The following AURKA variants were observed in gnomAD, a reference collection of about 807,000 sequenced individuals.
AURKA encodes aurora kinase A, also known as aurora 2.
Under a neutral mutation model 40.9 loss-of-function variants are expected in AURKA, and 12 were observed. The observed-to-expected ratio is 0.29, with a 90% CI of 0.19 to 0.48. The LOEUF (loss-of-function observed/expected upper bound fraction) is 0.48. Ranked by LOEUF, AURKA falls within the 20% of genes least tolerant of loss-of-function variation. The pLI, the probability that AURKA is intolerant of heterozygous loss-of-function variation, is 0.99. For missense variants in AURKA, 322 were observed against 462.1 expected, an observed-to-expected ratio of 0.70 and a Z score of 2.78; for synonymous variants, 170 against 164.3, an observed-to-expected ratio of 1.03 and a Z score of -0.26.
At chr20:56,386,760 A>C (rs1986430375) in intron 2 of AURKA, among the ~76,000 whole-genome samples, 1 of 152,182 alleles carries the variant, frequency 6.6e-6, no homozygotes. Context: ...ACCCCTAAAA[A>C]TCATGCTTTA....
Position 56,370,516 on chromosome 20 carries a change from G to A in AURKA, c.998C>T (p.Thr333Ile), listed in dbSNP as rs765075405. 1.2e-5 allele frequency: 19 copies of A among 1,614,048 alleles called. No homozygotes were observed. Among genetic ancestry groups the A allele is most frequent in the East Asian group, 2.2e-5 (1 of 44,902 alleles). ...TATTCTTTTGTAGGTCTCTTGGTAT[G>A]TGTTTGCCTCAAAAGGAGGCTTCCC... ...LVGKPPFEANTYQETYKRISR... is the reference protein window; with the variant it reads ...LVGKPPFEANIYQETYKRISR... The change falls in exon 8 of 9, where the codon ACA becomes ATA. Residue 333 changes from threonine (T) to isoleucine (I), a missense_variant. Thr to Ile is a moderately conservative substitution (Grantham distance 89). Coordinates refer to ENST00000395915, the MANE Select transcript of AURKA (RefSeq NM_198437.3).
chr20:56,374,020 C>A (rs1395209028), intron 6 of AURKA, among the ~76,000 whole-genome samples: 1 of 127,132 alleles, frequency 7.9e-6, no homozygotes, highest in East Asian at 2.0e-4. Context: ...GGAGTCTACA[C>A]ACACACACAC....
At chr20:56,376,615 A>G (rs1339586104) in intron 6 of AURKA, among the ~76,000 whole-genome samples, 1 of 152,218 alleles carries the variant, frequency 6.6e-6, no homozygotes, top group African/African-American at 2.4e-5. Flanking sequence ...GAAAAAAATC[A>G]AAGTAACCAC....
At chr20:56,382,164 AAAAAAAAAAAGG>A (rs1469045169) in intron 5 of AURKA, among the ~76,000 whole-genome samples, 1 of 145,978 alleles carries the variant, frequency 6.9e-6, no homozygotes, top group Non-Finnish European at 1.5e-5. Context: ...ACTCCATCTC[AAAAAAAAAAAGG>A]AAAAAAAAAA....
At chr20:56,384,677 T>C (rs1039290469) in intron 3 of AURKA, among the ~76,000 whole-genome samples, 2 of 152,148 alleles carry the variant, frequency 1.3e-5, no homozygotes, top group East Asian at 3.8e-4. Context: ...AGCTGCCAAC[T>C]CGTCACCTTT....
chr20:56,373,315 ACAAAAT>A lies in AURKA; in HGVS notation c.854+87_854+92del. 1 of 1,590,588 alleles carries A rather than the reference ACAAAAT, an allele frequency of 6.3e-7. No homozygotes were observed. The highest frequency in any genetic ancestry group is 2.2e-5 in the East Asian group (1 of 44,612). On this transcript the variant is annotated intron_variant, in intron 7 of 8. Coordinates refer to ENST00000395915, the MANE Select transcript of AURKA (RefSeq NM_198437.3). This position sits in a 1 kb window ranked among gnomAD's most constrained non-coding sequence, Gnocchi z 5.0. ...GTTAGCCACCTACCCCTCTTACAGC[ACAAAAT>A]CTACACTGAAATATTTTACATTTAG...
At chr20:56,377,492 TAAA>T (rs1438189166) in intron 6 of AURKA, among the ~76,000 whole-genome samples, 2 of 150,350 alleles carry the variant, frequency 1.3e-5, no homozygotes, top group Admixed American at 6.6e-5. Context: ...AATAAACACA[TAAA>T]AAGATGTTCA....
At chr20:56,384,461 T>C (rs992543471) in intron 3 of AURKA, 137 bp from the exon 4 acceptor site, 5 of 688,386 alleles carry the variant, frequency 7.3e-6, no homozygotes, top group Non-Finnish European at 1.2e-5. Flanking sequence ...TTTTTTTTTT[T>C]AAAGTTTTCC....
intron 1 of AURKA, among the ~76,000 whole-genome samples, chr20:56,389,159 C>T (rs1363793854): frequency 6.6e-6 from 1 of 152,166 alleles, no homozygotes; most frequent in East Asian, 1.9e-4. Flanking sequence ...CTTGCTGGGT[C>T]AGTCTCATTT....
intron 2 of AURKA, among the ~76,000 whole-genome samples, chr20:56,386,934 C>CAA (rs11480282): frequency 6.0e-5 from 9 of 150,280 alleles, no homozygotes; most frequent in East Asian, 3.9e-4. Flanking sequence ...AGAAAAAGAC[C>CAA]AAAAAAAAAT....
chr20:56,388,310 A>C, intron 1 of AURKA, 108 bp from the exon 2 acceptor site: 1 of 943,826 alleles, frequency 1.1e-6, no homozygotes. Flanking sequence ...TCCACAACAC[A>C]CCGGATTTTA....
At chr20:56,389,160 A>T (rs578138743) in intron 1 of AURKA, among the ~76,000 whole-genome samples, 7 of 152,110 alleles carry the variant, frequency 4.6e-5, no homozygotes, top group African/African-American at 7.2e-5. Context: ...TTGCTGGGTC[A>T]GTCTCATTTT....
intron 1 of AURKA, 51 bp from the exon 2 acceptor site, chr20:56,388,253 G>A (rs1421328496): frequency 3.2e-6 from 5 of 1,542,384 alleles, no homozygotes; most frequent in Non-Finnish European, 4.5e-6. Flanking sequence ...CCTGCTTAAA[G>A]TGCTGTTGCT....
At chr20:56,371,418 A>G (rs1033202742) in intron 7 of AURKA, among the ~76,000 whole-genome samples, 26 of 151,642 alleles carry the variant, frequency 1.7e-4, no homozygotes, top group East Asian at 1.9e-4. Context: ...CCAAGATCGC[A>G]CCACTGCACT....
At chr20:56,377,781 G>A (rs1195922662) in intron 6 of AURKA, among the ~76,000 whole-genome samples, 1 of 151,010 alleles carries the variant, frequency 6.6e-6, no homozygotes, top group Non-Finnish European at 1.5e-5. Flanking sequence ...GCGAGACTCC[G>A]TCTCAAAAAA....
At chr20:56,386,827 A>C (rs1986435534) in intron 2 of AURKA, among the ~76,000 whole-genome samples, 1 of 152,216 alleles carries the variant, frequency 6.6e-6, no homozygotes, top group Non-Finnish European at 1.5e-5. Flanking sequence ...ATAATTTGGA[A>C]ATAGACACTA....
chr20:56,388,459 T>G (rs1381034865), intron 1 of AURKA: 2 of 548,056 alleles, frequency 3.6e-6, no homozygotes, highest in African/African-American at 3.8e-5. Context: ...CCATCATCTC[T>G]CCTCTAATGG....
intron 7 of AURKA, among the ~76,000 whole-genome samples, chr20:56,371,152 G>A (rs919292367): frequency 2.0e-5 from 3 of 152,174 alleles, no homozygotes; most frequent in Non-Finnish European, 4.4e-5. Context: ...GGTGGCCTAT[G>A]AAGTACTCTT....
chr20:56,390,309 C>CT (rs112721980), intron 1 of AURKA, among the ~76,000 whole-genome samples: 26,518 of 140,180 alleles, frequency 0.19, 3,476 homozygotes, highest in African/African-American at 0.37. Flanking sequence ...ACTGAGGTTT[C>CT]TTTTTTTTTT....
Sources: allele counts gnomAD v4.1 joint callset (sites outside exome capture counted in the v4.1 genomes callset), GRCh38; gene constraint gnomAD v4.1.1; non-coding constraint Gnocchi (gnomAD v3.1); transcripts MANE v1.5; gene names NCBI Gene and HGNC (gene_info 2026-07-23, HGNC 2026-07-21).